HTR6: variants seen among roughly 807,000 people sequenced by gnomAD.
The protein encoded by HTR6 is 5-hydroxytryptamine (serotonin) receptor 6, G protein-coupled.
A neutral mutation model predicts 17.4 loss-of-function variants in HTR6; 15 were observed. That is an observed-to-expected ratio of 0.86 (90% CI 0.58 to 1.33). The LOEUF is 1.33. Ranked by LOEUF, HTR6 falls within the 40% of genes most tolerant of loss-of-function variation. HTR6 has a pLI of 0.00. For synonymous variants in HTR6, 326 were observed against 295.5 expected (o/e 1.10, Z -1.06); for missense variants, 578 against 616.0 (o/e 0.94, Z 0.65).
Position 19,679,300 on chromosome 1 carries a change from A to C in HTR6, c.1255A>C (p.Asn419His), listed in dbSNP as rs2095098785. The C allele has an allele frequency of 6.2e-7, 1 of 1,608,624 alleles. No individual in the cohort carries two copies. Among genetic ancestry groups the C allele is most frequent in the Admixed American group, 1.7e-5 (1 of 59,834 alleles). The change falls in exon 3 of 3, where the codon AAT (asparagine) becomes CAT (histidine). Residue 419 changes from asparagine (N) to histidine (H), a missense_variant. Asn to His is a moderately conservative substitution (Grantham distance 68). Coordinates refer to ENST00000289753, the MANE Select transcript of HTR6 (RefSeq NM_000871.3). This position sits in a 1 kb window ranked among gnomAD's most constrained non-coding sequence, Gnocchi z 4.9. ...PLPTRAAAAV[N>H]FFNIDPAEPE... Reference sequence around the variant, plus strand: ...GCCCACCAGGGCCGCTGCCGCCGTCAATTTCTTCAACATCGACCCCGCGGA... The same window carrying C: ...GCCCACCAGGGCCGCTGCCGCCGTCCATTTCTTCAACATCGACCCCGCGGA...
chr1:19,679,276 C>T lies in HTR6; in HGVS notation c.1231C>T (p.Pro411Ser), dbSNP rs771671264. The T allele has an allele frequency of 2.5e-6, 4 of 1,605,278 alleles. No homozygotes were observed. Among genetic ancestry groups the T allele is most frequent in the Admixed American group, 3.4e-5 (2 of 59,674 alleles). ...CGAGGCCACCCAGGACCCCCCGCTGCCCACCAGGGCCGCTGCCGCCGTCAA... is the reference window on the plus strand; with the variant it reads ...CGAGGCCACCCAGGACCCCCCGCTGTCCACCAGGGCCGCTGCCGCCGTCAA... ...PGEATQDPPL[P>S]TRAAAAVNFF... The change falls in exon 3 of 3, where the codon CCC becomes TCC. Residue 411 changes from proline (P) to serine (S), a missense_variant. By Grantham distance (74) the Pro-to-Ser change is moderately conservative. Coordinates refer to ENST00000289753, the MANE Select transcript of HTR6 (RefSeq NM_000871.3). This position sits in a 1 kb window ranked among gnomAD's most constrained non-coding sequence, Gnocchi z 4.9.
Position 19,679,570 on chromosome 1 carries a change from T to C in HTR6, c.*202T>C. 1 of 699,190 alleles carries C rather than the reference T, an allele frequency of 1.4e-6. No homozygotes were observed. Among genetic ancestry groups the C allele is most frequent in the Non-Finnish European group, 2.3e-6 (1 of 441,250 alleles). 43.3% of individuals were successfully genotyped at this position (699,190 alleles called of 1,614,324 possible). A position where few individuals can be genotyped will look rare whatever the true frequency, so the allele number is the denominator to read the frequency against. On this transcript the variant is annotated 3_prime_UTR_variant, in exon 3 of 3. Transcript: ENST00000289753. This position sits in a 1 kb window ranked among gnomAD's most constrained non-coding sequence, Gnocchi z 4.9. ...GATCATAGCTGACTCAGATATCGTG[T>C]TCTGAAGGATGCTCCACTGTTGAGT...
In HTR6 at chr1:19,679,127, G is replaced by A. The variant is rs777968792; in HGVS notation, c.1082G>A (p.Arg361Gln). ...PSLRTSHSGP[R>Q]PGLSLQQVLP... ...CTGCGCACCTCTCACAGCGGCCCCC[G>A]GCCCGGCCTTAGCCTACAGCAGGTG... Residue 361 changes from arginine (R) to glutamine (Q), a missense_variant, in exon 3 of 3, where the codon CGG becomes CAG. Physicochemically the swap from Arg to Gln is conservative, Grantham distance 43. Transcript: ENST00000289753. The surrounding 1 kb of genome is among the most constrained non-coding windows in gnomAD (Gnocchi z 4.9). 1.1e-5 allele frequency: 18 copies of A among 1,611,278 alleles called. No individual in the cohort carries two copies. The highest frequency in any genetic ancestry group is 1.6e-4 in the Middle Eastern group (1 of 6,076).
At chr1:19,672,874 T>C (rs1361403415) in intron 1 of HTR6, among the ~76,000 whole-genome samples, 1 of 151,970 alleles carries the variant, frequency 6.6e-6, no homozygotes, top group African/African-American at 2.4e-5. Flanking sequence ...TAAAAATATA[T>C]ATAAAAAATT....
Position 19,665,004 on chromosome 1 carries a change from G to T in HTR6, c.-750G>T, listed in dbSNP as rs989101274. Among the ~76,000 whole-genome samples, 2 of 151,054 alleles carry T rather than the reference G, an allele frequency of 1.3e-5. No homozygotes were observed. Among genetic ancestry groups the T allele is most frequent in the African/African-American group, 4.8e-5 (2 of 41,316 alleles). Reference sequence around the variant, plus strand: ...CAGCCCCGCGGCGCTTGCCGCAGTCGCAGGCGGCGGAGCAGCCAGAGCGCC... The same window carrying T: ...CAGCCCCGCGGCGCTTGCCGCAGTCTCAGGCGGCGGAGCAGCCAGAGCGCC... On this transcript the variant is annotated 5_prime_UTR_variant, in exon 1 of 3. Transcript: ENST00000289753. The surrounding 1 kb of genome is among the most constrained non-coding windows in gnomAD (Gnocchi z 4.2).
At chr1:19,677,531 C>G (rs537989345) in intron 1 of HTR6, among the ~76,000 whole-genome samples, 1 of 152,134 alleles carries the variant, frequency 6.6e-6, no homozygotes, top group Non-Finnish European at 1.5e-5. Context: ...AACCAGCATC[C>G]TTAGGAGCCT....
At chr1:19,678,446 C>T in intron 1 of HTR6, 121 bp from the exon 2 acceptor site, 1 of 1,235,150 alleles carries the variant, frequency 8.1e-7, no homozygotes, top group Non-Finnish European at 1.2e-6. Context: ...GGAACAGGGC[C>T]CAGTTTAATC....
In HTR6 at chr1:19,666,591, G is replaced by A. The variant is rs1259335306; in HGVS notation, c.714+124G>A. ...ATGGCCCTGCGTGGCTGTTGTGAGC[G>A]CCCACCTTTCTTCTGAACTCCAGAG... On this transcript the variant is annotated intron_variant, in intron 1 of 2. Coordinates refer to ENST00000289753, the MANE Select transcript of HTR6 (RefSeq NM_000871.3). The surrounding 1 kb of genome is among the most constrained non-coding windows in gnomAD (Gnocchi z 4.5). 30 of 702,860 alleles carry A rather than the reference G, an allele frequency of 4.3e-5. No homozygotes were observed. Among genetic ancestry groups the A allele is most frequent in the South Asian group, 3.3e-4 (17 of 52,244 alleles). 43.5% of individuals were successfully genotyped at this position (702,860 alleles called of 1,614,324 possible).
rs1461587611 is a variant in HTR6 at position 19,679,520 on chromosome 1, C to T, written c.*152C>T. On this transcript the variant is annotated 3_prime_UTR_variant, in exon 3 of 3. Transcript: ENST00000289753. This position sits in a 1 kb window ranked among gnomAD's most constrained non-coding sequence, Gnocchi z 4.9. ...GTGCGCAGAGCTGACCCCCTGCTGC[C>T]ATCTCCAGGCCCCTTACCTGCAGGG... The T allele has an allele frequency of 1.8e-6, 2 of 1,122,870 alleles. No homozygotes were observed. The highest frequency in any genetic ancestry group is 1.6e-5 in the African/African-American group (1 of 63,818). 69.6% of individuals were successfully genotyped at this position (1,122,870 alleles called of 1,614,324 possible).
chr1:19,667,330 C>T (rs528894819), intron 1 of HTR6, among the ~76,000 whole-genome samples: 1 of 152,268 alleles, frequency 6.6e-6, no homozygotes, highest in South Asian at 2.1e-4. Context: ...ATAAAAATGA[C>T]TTGTTCATTT....
chr1:19,677,289 G>C (rs1354448578), intron 1 of HTR6, among the ~76,000 whole-genome samples: 1 of 152,080 alleles, frequency 6.6e-6, no homozygotes, highest in African/African-American at 2.4e-5. Flanking sequence ...AACAAGTGAA[G>C]AGCACTGCTG....
chr1:19,672,109 G>A (rs1468969461), intron 1 of HTR6, among the ~76,000 whole-genome samples: 1 of 151,876 alleles, frequency 6.6e-6, no homozygotes, highest in East Asian at 1.9e-4. Context: ...ACTGGCTTGA[G>A]GGAGAGCCCA....
At chr1:19,678,518 C>A in intron 1 of HTR6, 49 bp from the exon 2 acceptor site, 3 of 1,607,606 alleles carry the variant, frequency 1.9e-6, no homozygotes, top group South Asian at 2.2e-5. Context: ...GGATCAGGGT[C>A]AGACGGGGGC....
At position 19,677,218 on chromosome 1, in the gene HTR6, TTGTGTG is replaced by T. The variant is rs10582325; in HGVS notation, c.715-1330_715-1325del. Among the ~76,000 whole-genome samples the T allele has an allele frequency of 4.2e-3, 626 of 148,548 alleles. 4 individuals are homozygous for T. Among genetic ancestry groups the T allele is most frequent in the Middle Eastern group, 6.9e-3 (2 of 288 alleles). ...AGCCTTTTATTTTCTGGGGAGAGGT[TTGTGTG>T]TGTGTGTGTGTGTGTGTGAGATTTC... On this transcript the variant is annotated intron_variant, in intron 1 of 2. Coordinates refer to ENST00000289753, the MANE Select transcript of HTR6 (RefSeq NM_000871.3).
chr1:19,670,644 A>G (rs1418191762), intron 1 of HTR6, among the ~76,000 whole-genome samples: 1 of 151,846 alleles, frequency 6.6e-6, no homozygotes, highest in Admixed American at 6.6e-5. Context: ...TTTGTATTTT[A>G]GTAGAGATGG....
chr1:19,679,088 T>A lies in HTR6; in HGVS notation c.1043T>A (p.Leu348Gln), dbSNP rs200602895. ...PRCPRERQAS[L>Q]ASPSLRTSHS... is the part of the protein sequence containing the mutation. The stretch of plus-strand genomic sequence containing the variant: ...TGTCCCCGGGAGCGCCAGGCCAGCC[T>A]GGCCTCGCCATCACTGCGCACCTCT... Residue 348 changes from leucine (L) to glutamine (Q), a missense_variant, in exon 3 of 3, where the codon CTG becomes CAG. Physicochemically the swap from Leu to Gln is moderately radical, Grantham distance 113 (BLOSUM62 -2). Transcript: ENST00000289753. This position sits in a 1 kb window ranked among gnomAD's most constrained non-coding sequence, Gnocchi z 4.9. 1 of 1,613,798 alleles carries A rather than the reference T, an allele frequency of 6.2e-7. No homozygotes were observed. The highest frequency in any genetic ancestry group is 8.5e-7 in the Non-Finnish European group (1 of 1,179,846).
In HTR6 at chr1:19,670,177, G is replaced by A. The variant is rs986217557; in HGVS notation, c.714+3710G>A. 2.6e-5 allele frequency among the ~76,000 whole-genome samples: 4 copies of A among 151,812 alleles called. 1 individual carries two copies. The highest frequency in any genetic ancestry group is 2.6e-4 in the Admixed American group (4 of 15,228). On this transcript the variant is annotated intron_variant, in intron 1 of 2. Transcript: ENST00000289753. ...ACACCAAGCCCATTCTGCCTCACTTGCGGTTCCTTCTGCTTGGAGTGCCCT... is the reference window on the plus strand; with the variant it reads ...ACACCAAGCCCATTCTGCCTCACTTACGGTTCCTTCTGCTTGGAGTGCCCT...
chr1:19,669,064 A>T (rs1435790649), intron 1 of HTR6, among the ~76,000 whole-genome samples: 1 of 152,172 alleles, frequency 6.6e-6, no homozygotes, highest in East Asian at 1.9e-4. Context: ...CACTCATTTT[A>T]TGGGGTGTCC....
chr1:19,677,071 C>T (rs1286633411), intron 1 of HTR6, among the ~76,000 whole-genome samples: 1 of 152,168 alleles, frequency 6.6e-6, no homozygotes, highest in Non-Finnish European at 1.5e-5. Flanking sequence ...CTTCACATCC[C>T]AGCTTTCACG....
Sources: gnomAD v4.1 joint callset for allele counts (sites outside exome capture counted in the v4.1 genomes callset) on GRCh38, gnomAD v4.1.1 for gene constraint, Gnocchi (gnomAD v3.1) non-coding constraint, MANE v1.5 for transcripts, NCBI Gene and HGNC (gene_info 2026-07-23, HGNC 2026-07-21) for gene names.